The following CNOT1 variants were observed in gnomAD, a reference collection of about 807,000 sequenced individuals.
CNOT1 encodes CCR4-associated factor 1.
CNOT1 carries 15 observed loss-of-function variants against 273.8 expected under a neutral mutation model. That is an observed-to-expected ratio of 0.05 (90% CI 0.04 to 0.08). The LOEUF (loss-of-function observed/expected upper bound fraction) is 0.08, where lower values mean the gene tolerates loss of function less well. Among genes scored for constraint, CNOT1 ranks in the 10% least tolerant of loss-of-function variants. The pLI, the probability that CNOT1 is intolerant of heterozygous loss-of-function variation, is 1.00. For missense variants in CNOT1, 1,644 were observed against 2,912.2 expected, an observed-to-expected ratio of 0.56 and a Z score of 10.02; for synonymous variants, 1,022 against 1,005.5, an observed-to-expected ratio of 1.02 and a Z score of -0.31.
chr16:58,579,063 G>A, intron 12 of CNOT1, 124 bp from the exon 13 acceptor site: 1 of 1,459,312 alleles, frequency 6.9e-7, no homozygotes, highest in South Asian at 1.4e-5. Flanking sequence ...AATATTAGAA[G>A]TTTGAAGTCC....
At chr16:58,619,442 T>C (rs2043222713) in intron 1 of CNOT1, among the ~76,000 whole-genome samples, 1 of 152,028 alleles carries the variant, frequency 6.6e-6, no homozygotes, top group Non-Finnish European at 1.5e-5. Context: ...CTTTTTTTTT[T>C]TTTGAGACAG....
At chr16:58,591,091 G>T (rs528674330) in intron 2 of CNOT1, among the ~76,000 whole-genome samples, 3 of 152,288 alleles carry the variant, frequency 2.0e-5, no homozygotes, top group African/African-American at 7.2e-5. Context: ...GACAACCATA[G>T]ATACAGGTGA....
At chr16:58,543,937 G>A (rs2040172903) in intron 30 of CNOT1, 34 bp from the exon 31 acceptor site, 6 of 1,552,512 alleles carry the variant, frequency 3.9e-6, no homozygotes, top group Non-Finnish European at 5.2e-6. Context: ...TCAACACCTT[G>A]TTTAAATAAG....
chr16:58,628,498 T>C (rs1353786462), intron 1 of CNOT1, among the ~76,000 whole-genome samples: 2 of 152,174 alleles, frequency 1.3e-5, no homozygotes, highest in Non-Finnish European at 2.9e-5. Flanking sequence ...TCCCTCATTT[T>C]TTTAATCCAT....
chr16:58,521,630 A>C (rs939621889), intron 47 of CNOT1, among the ~76,000 whole-genome samples: 7 of 152,166 alleles, frequency 4.6e-5, no homozygotes, highest in South Asian at 2.1e-4. Flanking sequence ...ATGGCACACA[A>C]AGTTAGTACA....
At chr16:58,540,269 T>G (rs912483696) in intron 34 of CNOT1, among the ~76,000 whole-genome samples, 2 of 152,202 alleles carry the variant, frequency 1.3e-5, no homozygotes, top group Non-Finnish European at 2.9e-5. Context: ...GCAGCACCAC[T>G]TGTACCATCT....
intron 2 of CNOT1, chr16:58,597,672 A>G: frequency 2.0e-6 from 1 of 496,972 alleles, no homozygotes. Context: ...CAGGAACCAT[A>G]CAAGGACTCT....
At chr16:58,594,147 G>C (rs1008183632) in intron 2 of CNOT1, among the ~76,000 whole-genome samples, 1 of 152,202 alleles carries the variant, frequency 6.6e-6, no homozygotes, top group African/African-American at 2.4e-5. Context: ...AGGAGGCTGA[G>C]GCAAGAGAAT....
Position 58,547,261 on chromosome 16 carries a change from A to G in CNOT1, c.3675T>C (p.Tyr1225=), listed in dbSNP as rs1267248261. The G allele has an allele frequency of 1.2e-6, 2 of 1,613,862 alleles. No individual in the cohort carries two copies. The highest frequency in any genetic ancestry group is 1.3e-5 in the African/African-American group (1 of 74,928). ...LDVKSLLLEA[Y]VKGQQELLYV... Reference sequence around the variant, plus strand: ...AGAGCAATTCTTGTTGTCCTTTAACATAAGCCTCTAGCAGCAATGATTTCA... The same window carrying G: ...AGAGCAATTCTTGTTGTCCTTTAACGTAAGCCTCTAGCAGCAATGATTTCA... The change falls in exon 27 of 49, where the codon TAT becomes TAC. Residue 1225 remains tyrosine (Y), a synonymous_variant. Coordinates refer to ENST00000317147, the MANE Select transcript of CNOT1 (RefSeq NM_016284.5). The surrounding 1 kb of genome is among the most constrained non-coding windows in gnomAD (Gnocchi z 4.0).
At chr16:58,597,335 T>G (rs1022435399) in intron 2 of CNOT1, among the ~76,000 whole-genome samples, 1 of 151,436 alleles carries the variant, frequency 6.6e-6, no homozygotes, top group Non-Finnish European at 1.5e-5. Context: ...ATTAGCTGGG[T>G]GTGGTGGTGG....
intron 13 of CNOT1, among the ~76,000 whole-genome samples, chr16:58,578,452 C>T (rs1009643933): frequency 1.9e-5 from 2 of 103,086 alleles, no homozygotes; most frequent in Non-Finnish European, 3.8e-5. Context: ...GACACCATCT[C>T]AAAAAAAAAA....
chr16:58,601,733 T>C (rs1194642779), intron 1 of CNOT1, among the ~76,000 whole-genome samples: 3 of 31,834 alleles, frequency 9.4e-5, no homozygotes, highest in African/African-American at 3.5e-4. Flanking sequence ...CATACCCACC[T>C]TAAAAAAAAA....
At chr16:58,615,344 C>G (rs1401308052) in intron 1 of CNOT1, among the ~76,000 whole-genome samples, 1 of 125,560 alleles carries the variant, frequency 8.0e-6, no homozygotes, top group African/African-American at 2.7e-5. Context: ...CAATTCTCAG[C>G]TTCTCTTGCA....
intron 34 of CNOT1, among the ~76,000 whole-genome samples, chr16:58,540,804 G>T (rs1313393919): frequency 6.6e-6 from 1 of 152,154 alleles, no homozygotes; most frequent in Non-Finnish European, 1.5e-5. Flanking sequence ...AGCGATGGGG[G>T]TATCAGGTCA....
At position 58,619,575 on chromosome 16, in the gene CNOT1, G is replaced by A. The variant is rs368141011; in HGVS notation, c.-175+10153C>T. Among the ~76,000 whole-genome samples, 26 of 151,982 alleles carry A rather than the reference G, an allele frequency of 1.7e-4. No homozygotes were observed. The East Asian group carries it at 3.1e-3, about 18-fold the overall frequency. On this transcript the variant is annotated intron_variant, in intron 1 of 48. Transcript: ENST00000317147. ...CCCAAGTAGCTGGGACTAGCCGCCC[G>A]CCACCACACCTGGCTAATTTTTGTA...
In CNOT1 at chr16:58,539,848, C is replaced by T. The variant is rs752925733; in HGVS notation, c.4912G>A (p.Ala1638Thr). 17 of 1,614,134 alleles carry T rather than the reference C, an allele frequency of 1.1e-5. No homozygotes were observed. The South Asian group carries it at 1.8e-4, about 17-fold the overall frequency. Residue 1638 changes from alanine (A) to threonine (T), a missense_variant, in exon 35 of 49, where the codon GCT becomes ACT. This residue lies in a region of CNOT1 where 170 missense variants were observed against 273.1 expected (regional missense o/e 0.62). Coordinates refer to ENST00000317147, the MANE Select transcript of CNOT1 (RefSeq NM_016284.5). ...PTLAMNPQAQ[A>T]LRSLLEVVVL... Reference sequence around the variant, plus strand: ...ACAACCTCCAAGAGACTTCGAAGAGCCTGAGCTTGAGGGTTCATGGCCAAA... The same window carrying T: ...ACAACCTCCAAGAGACTTCGAAGAGTCTGAGCTTGAGGGTTCATGGCCAAA...
chr16:58,532,162 G>T, intron 41 of CNOT1, 70 bp downstream of exon 41: 2 of 1,605,816 alleles, frequency 1.2e-6, no homozygotes, highest in Non-Finnish European at 1.7e-6. Context: ...ATGCTCAAGA[G>T]TTCTACTCCC....
chr16:58,592,152 A>G (rs1441617499), intron 2 of CNOT1, among the ~76,000 whole-genome samples: 1 of 152,190 alleles, frequency 6.6e-6, no homozygotes, highest in Admixed American at 6.5e-5. Context: ...ATTTTAAGCA[A>G]AAAAGTGTAG....
intron 16 of CNOT1, among the ~76,000 whole-genome samples, chr16:58,566,318 T>C (rs1179692096): frequency 6.6e-6 from 1 of 152,270 alleles, no homozygotes; most frequent in African/African-American, 2.4e-5. Context: ...TTTCCTTCTC[T>C]GGCATTTATT....
Sources: gnomAD v4.1 joint callset for allele counts (sites outside exome capture counted in the v4.1 genomes callset) on GRCh38, gnomAD v4.1.1 for gene constraint, gnomAD v4.1.1 regional missense constraint, Gnocchi (gnomAD v3.1) non-coding constraint, MANE v1.5 for transcripts, NCBI Gene and HGNC (gene_info 2026-07-23, HGNC 2026-07-21) for gene names.